STK17B: variants seen among roughly 807,000 people sequenced by gnomAD.
STK17B encodes the protein serine/threonine-protein kinase 17B.
In STK17B, 21 loss-of-function variants were observed where a neutral mutation model predicts 42.0. The observed-to-expected ratio is 0.50, with a 90% CI of 0.35 to 0.72. The LOEUF (loss-of-function observed/expected upper bound fraction) is 0.72, where lower values mean the gene tolerates loss of function less well. Ranked by LOEUF, STK17B falls within the 30% of genes least tolerant of loss-of-function variation. STK17B has a pLI of 0.00. For missense variants in STK17B, 349 were observed against 446.0 expected, an observed-to-expected ratio of 0.78 and a Z score of 1.96; for synonymous variants, 143 against 148.4, an observed-to-expected ratio of 0.96 and a Z score of 0.26.
upstream of STK17B, among the ~76,000 whole-genome samples, chr2:196,173,425 T>C (rs1368707180): frequency 2.0e-5 from 3 of 152,220 alleles, no homozygotes; most frequent in Non-Finnish European, 2.9e-5. Context: ...TTTATGACCC[T>C]AAATAGATTG....
chr2:196,140,753 T>C (rs563708693), intron 6 of STK17B, among the ~76,000 whole-genome samples: 20 of 152,108 alleles, frequency 1.3e-4, no homozygotes, highest in Admixed American at 2.6e-4. Context: ...TTAGTAGAGA[T>C]AGGGTTCTGC....
chr2:196,164,193 T>C (rs1462026684), intron 1 of STK17B, among the ~76,000 whole-genome samples: 1 of 152,212 alleles, frequency 6.6e-6, no homozygotes, highest in Non-Finnish European at 1.5e-5. Context: ...GTGAGTTATA[T>C]TACTGACGTG....
intron 3 of STK17B, among the ~76,000 whole-genome samples, chr2:196,148,526 TTTG>T (rs1699614888): frequency 6.6e-6 from 1 of 152,210 alleles, no homozygotes. Context: ...GAATATATTT[TTTG>T]TTAGGTACTT....
chr2:196,170,525 A>T (rs964937146), intron 1 of STK17B, among the ~76,000 whole-genome samples: 3 of 152,230 alleles, frequency 2.0e-5, no homozygotes, highest in East Asian at 3.8e-4. Flanking sequence ...ACAGAAACTA[A>T]TGCCAGCTAC....
chr2:196,149,363 A>G (rs1203319446), intron 3 of STK17B, among the ~76,000 whole-genome samples: 5 of 151,982 alleles, frequency 3.3e-5, no homozygotes, highest in Admixed American at 1.3e-4. Context: ...ACTGGGTTTC[A>G]CCGTGTTAGC....
chr2:196,160,812 A>G (rs1699801908), intron 2 of STK17B, among the ~76,000 whole-genome samples: 2 of 152,202 alleles, frequency 1.3e-5, no homozygotes, highest in Admixed American at 1.3e-4. Flanking sequence ...CTTTAATCAA[A>G]TTCTATCATG....
intron 4 of STK17B, 78 bp downstream of exon 4, chr2:196,145,830 TTAA>T (rs1319619513): frequency 7.2e-7 from 1 of 1,384,560 alleles, no homozygotes; most frequent in Non-Finnish European, 9.6e-7. Context: ...TTGTTTCCTG[TTAA>T]TACCAGTTTG....
chr2:196,139,691 C>T lies in STK17B; in HGVS notation c.765G>A (p.Ser255=), dbSNP rs372239290. The part of the protein sequence containing the change: ...LNISQVNVDY[S]EETFSSVSQL... The stretch of plus-strand genomic sequence containing the variant: ...GTGAAACTGATGAAAAAGTTTCTTC[C>T]GAATAATCTACATTAACTTGAGAAA... The change falls in exon 7 of 8, where the codon TCG becomes TCA. Residue 255 remains serine (S), a synonymous_variant. Transcript: ENST00000263955. The T allele has an allele frequency of 3.1e-4, 461 of 1,470,864 alleles. No homozygotes were observed. The highest frequency in any genetic ancestry group is 3.8e-4 in the Non-Finnish European group (418 of 1,108,786). 91.1% of individuals were successfully genotyped at this position (1,470,864 alleles called of 1,614,324 possible).
chr2:196,139,831 A>C, intron 6 of STK17B, 32 bp from the exon 7 acceptor site: 2 of 1,321,910 alleles, frequency 1.5e-6, no homozygotes, highest in African/African-American at 3.0e-5. Context: ...CTTAAAATGT[A>C]TGTTAATTTT....
intron 1 of STK17B, among the ~76,000 whole-genome samples, chr2:196,163,868 T>C (rs1167288263): frequency 6.6e-6 from 1 of 151,390 alleles, no homozygotes. Context: ...CGAGATCCCA[T>C]CTCTATGAAA....
intron 2 of STK17B, among the ~76,000 whole-genome samples, chr2:196,158,212 G>A (rs564272073): frequency 1.1e-4 from 16 of 152,110 alleles, no homozygotes; most frequent in Non-Finnish European, 2.2e-4. Flanking sequence ...TAGGGGGTAC[G>A]GGGTGGAAAC....
intron 1 of STK17B, among the ~76,000 whole-genome samples, chr2:196,168,374 G>A (rs1341016046): frequency 1.3e-5 from 2 of 152,178 alleles, no homozygotes; most frequent in African/African-American, 4.8e-5. Flanking sequence ...GGGGGATTCC[G>A]GGGTGGGCAA....
chr2:196,137,926 G>A (rs946453085), intron 7 of STK17B, among the ~76,000 whole-genome samples, 197 bp from the exon 8 acceptor site: 3 of 152,018 alleles, frequency 2.0e-5, no homozygotes, highest in Admixed American at 6.6e-5. Flanking sequence ...TATATGCCAG[G>A]GACTATTCTA....
intron 3 of STK17B, among the ~76,000 whole-genome samples, chr2:196,155,846 G>C (rs1406631079): frequency 6.6e-6 from 1 of 152,138 alleles, no homozygotes; most frequent in Non-Finnish European, 1.5e-5. Context: ...AATACTGGGG[G>C]TGTTTTCACT....
At chr2:196,150,895 T>TA (rs1169744726) in intron 3 of STK17B, among the ~76,000 whole-genome samples, 1 of 152,202 alleles carries the variant, frequency 6.6e-6, no homozygotes, top group East Asian at 1.9e-4. Flanking sequence ...AGGATTGTTT[T>TA]AAAAATCAAA....
intron 1 of STK17B, chr2:196,170,961 C>G (rs1699933084): frequency 6.6e-6 from 1 of 152,380 alleles, no homozygotes; most frequent in Non-Finnish European, 1.5e-5. Flanking sequence ...AAGGGACCCG[C>G]GCGGGCCCGC....
chr2:196,167,792 A>G (rs1030262153), intron 1 of STK17B, among the ~76,000 whole-genome samples: 5 of 152,234 alleles, frequency 3.3e-5, no homozygotes, highest in Admixed American at 1.3e-4. Context: ...TTTATCACTG[A>G]TAAGTCTAGA....
chr2:196,137,829 AATAAAAC>A (rs1423526185), intron 7 of STK17B, 100 bp from the exon 8 acceptor site: 39 of 1,290,802 alleles, frequency 3.0e-5, no homozygotes, highest in Non-Finnish European at 3.9e-5. Flanking sequence ...TTCTTGTGAA[AATAAAAC>A]ATACTCATAG....
chr2:196,163,981 G>A (rs1443867443), intron 1 of STK17B, among the ~76,000 whole-genome samples: 1 of 151,986 alleles, frequency 6.6e-6, no homozygotes, highest in Non-Finnish European at 1.5e-5. Context: ...TGAGGTTGCA[G>A]TGAGCTATGA....
Sources: allele counts gnomAD v4.1 joint callset (sites outside exome capture counted in the v4.1 genomes callset), GRCh38; gene constraint gnomAD v4.1.1; transcripts MANE v1.5; gene names NCBI Gene and HGNC (gene_info 2026-07-23, HGNC 2026-07-21).